Variants in ULK4 observed in about 807,000 individuals in gnomAD.
The protein encoded by ULK4 is inactive serine/threonine-protein kinase ULK4.
ULK4 carries 133 observed loss-of-function variants against 160.6 expected under a neutral mutation model. The observed-to-expected ratio is 0.83, with a 90% CI of 0.72 to 0.96. ULK4 has a LOEUF of 0.96. Ranked by LOEUF, ULK4 falls within the 40% of genes least tolerant of loss-of-function variation. ULK4 has a pLI of 0.00. For missense variants in ULK4, 1,580 were observed against 1,499.5 expected, an observed-to-expected ratio of 1.05 and a Z score of -0.89; for synonymous variants, 534 against 539.8, an observed-to-expected ratio of 0.99 and a Z score of 0.15.
At chr3:41,840,513 T>C (rs945295388) in intron 17 of ULK4, among the ~76,000 whole-genome samples, 3 of 152,252 alleles carry the variant, frequency 2.0e-5, no homozygotes, top group African/African-American at 4.8e-5. Context: ...GTGCCTGCGA[T>C]TGCAGGCGCG....
chr3:41,849,141 G>A (rs1441926360), intron 17 of ULK4, among the ~76,000 whole-genome samples: 2 of 152,208 alleles, frequency 1.3e-5, no homozygotes, highest in Non-Finnish European at 2.9e-5. Context: ...CTGAGATTTT[G>A]ATGGTTTTTG....
At chr3:41,381,949 T>C (rs555088127) in intron 35 of ULK4, among the ~76,000 whole-genome samples, 2 of 152,244 alleles carry the variant, frequency 1.3e-5, no homozygotes, top group South Asian at 4.1e-4. Context: ...TTATAGTCCC[T>C]AGAACATACC....
chr3:41,307,630 C>T (rs1417133228), intron 35 of ULK4, among the ~76,000 whole-genome samples: 1 of 151,996 alleles, frequency 6.6e-6, no homozygotes, highest in Non-Finnish European at 1.5e-5. Context: ...AGTTTGAGAC[C>T]AGCATGAGCA....
chr3:41,680,237 G>A (rs558836851), intron 29 of ULK4, among the ~76,000 whole-genome samples: 1 of 152,258 alleles, frequency 6.6e-6, no homozygotes, highest in Non-Finnish European at 1.5e-5. Flanking sequence ...GGTACCTACT[G>A]ACAGTTTATC....
chr3:41,823,791 C>T (rs113841811), intron 18 of ULK4, among the ~76,000 whole-genome samples: 2,051 of 152,278 alleles, frequency 0.013, 40 homozygotes, highest in African/African-American at 0.046. Flanking sequence ...TTCCAGTTTG[C>T]TATCACGAGA....
intron 29 of ULK4, among the ~76,000 whole-genome samples, chr3:41,666,482 G>C (rs1479180100): frequency 1.3e-5 from 2 of 152,188 alleles, no homozygotes; most frequent in Non-Finnish European, 2.9e-5. Flanking sequence ...GAGAGGCACT[G>C]TCATTAAAGT....
chr3:41,787,644 T>C (rs9866358), intron 21 of ULK4, among the ~76,000 whole-genome samples: 8,667 of 152,278 alleles, frequency 0.057, 435 homozygotes, highest in East Asian at 0.17. Flanking sequence ...GTTCTGGAGA[T>C]CTGTCTCACA....
At position 41,304,329 on chromosome 3, in the gene ULK4, A is replaced by G. The variant is rs141177573; in HGVS notation, c.3679-54755T>C. Reference sequence around the variant, plus strand: ...AAGACTGGAAAATGTGGGGCAACTCAGTATGATATGTAAAACAGTGAACAA... The same window carrying G: ...AAGACTGGAAAATGTGGGGCAACTCGGTATGATATGTAAAACAGTGAACAA... On this transcript the variant is annotated intron_variant, in intron 35 of 36. Coordinates refer to ENST00000301831, the MANE Select transcript of ULK4 (RefSeq NM_017886.4). Among the ~76,000 whole-genome samples, 790 of 151,358 alleles carry G rather than the reference A, an allele frequency of 5.2e-3. 7 individuals carry two copies. Among genetic ancestry groups the G allele is most frequent in the African/African-American group, 0.018 (740 of 40,972 alleles).
intron 35 of ULK4, among the ~76,000 whole-genome samples, chr3:41,295,926 A>G (rs2079659107): frequency 1.3e-5 from 2 of 152,242 alleles, no homozygotes; most frequent in Non-Finnish European, 2.9e-5. Flanking sequence ...GTGAAAACTT[A>G]TGTCCACACA....
At chr3:41,631,625 T>C (rs1404379899) in intron 30 of ULK4, among the ~76,000 whole-genome samples, 3 of 152,212 alleles carry the variant, frequency 2.0e-5, no homozygotes, top group South Asian at 4.1e-4. Context: ...ATTAATAACT[T>C]TGTAAAATGC....
At chr3:41,841,011 C>G (rs1472931756) in intron 17 of ULK4, among the ~76,000 whole-genome samples, 1 of 150,892 alleles carries the variant, frequency 6.6e-6, no homozygotes, top group African/African-American at 2.4e-5. Context: ...GTGAGGAGCG[C>G]CTCTGCCCGG....
intron 30 of ULK4, among the ~76,000 whole-genome samples, chr3:41,648,951 A>C (rs927146886): frequency 1.3e-5 from 2 of 152,110 alleles, no homozygotes; most frequent in South Asian, 4.2e-4. Context: ...AACATGGTGA[A>C]ACCCCACATC....
rs769177113 is a variant in ULK4, at chr3:41,937,337, T to C, written c.238+761A>G. On this transcript the variant is annotated intron_variant, in intron 3 of 36. Transcript: ENST00000301831. ...CCATGGAAGTAATCAACCATAATCC[T>C]GTCCTATTGATTCAGAAAAATAAAA... 79 of 692,952 alleles carry C rather than the reference T, an allele frequency of 1.1e-4. No individual in the cohort carries two copies. In the East Asian group the frequency reaches 2.0e-3, roughly 18 times the overall value. The allele number at this position is 692,952 out of a possible 1,614,324, so 42.9% of individuals were successfully genotyped here.
chr3:41,558,480 G>A (rs2087395080), intron 32 of ULK4, among the ~76,000 whole-genome samples: 1 of 152,100 alleles, frequency 6.6e-6, no homozygotes, highest in Admixed American at 6.5e-5. Context: ...CAAGGTGGCA[G>A]ATCACCTGAG....
chr3:41,306,129 G>A (rs1413320025), intron 35 of ULK4, among the ~76,000 whole-genome samples: 2 of 33,770 alleles, frequency 5.9e-5, no homozygotes, highest in South Asian at 1.1e-3. Context: ...GGAGGGAGGT[G>A]GGGGGGGGGG....
At chr3:41,255,697 C>A (rs1158028027) in intron 35 of ULK4, among the ~76,000 whole-genome samples, 2 of 141,400 alleles carry the variant, frequency 1.4e-5, no homozygotes, top group Non-Finnish European at 3.2e-5. Flanking sequence ...TTTGTGTGCT[C>A]CTGATCACAG....
rs1426046465 is a variant in ULK4 at position 41,907,834 on chromosome 3, A to C, written c.1182+11T>G. On this transcript the variant is annotated intron_variant, in intron 12 of 36. Coordinates refer to ENST00000301831, the MANE Select transcript of ULK4 (RefSeq NM_017886.4). The stretch of plus-strand genomic sequence containing the variant: ...TCTTATGTAGGAAGAAAATTTCCCA[A>C]GTCTGCTCACCTTGGTCAGAGGAGA... The C allele has an allele frequency of 6.5e-7, 1 of 1,542,040 alleles. No homozygotes were observed. Among genetic ancestry groups the C allele is most frequent in the Non-Finnish European group, 8.7e-7 (1 of 1,146,090 alleles).
At chr3:41,615,173 T>C (rs2032901858) in intron 31 of ULK4, among the ~76,000 whole-genome samples, 1 of 152,146 alleles carries the variant, frequency 6.6e-6, no homozygotes, top group Non-Finnish European at 1.5e-5. Context: ...GGTTTTAAAT[T>C]AAATTGTATT....
In ULK4 at chr3:41,907,871, G is replaced by A. The variant is rs1217451642; in HGVS notation, c.1156C>T (p.Pro386Ser). Residue 386 changes from proline (P) to serine (S), a missense_variant, in exon 12 of 37, where the codon CCA becomes TCA. By Grantham distance (74) the Pro-to-Ser change is moderately conservative (BLOSUM62 -1). Transcript: ENST00000301831. ...SPGEDMTHCSPQKTSPLTKIT... is the reference protein window; with the variant it reads ...SPGEDMTHCSSQKTSPLTKIT... ...TTGGTCAGAGGAGAAGTCTTCTGTGGTGAACAGTGAGTCATATCCTCACCA... is the reference window on the plus strand; with the variant it reads ...TTGGTCAGAGGAGAAGTCTTCTGTGATGAACAGTGAGTCATATCCTCACCA... 1 of 1,600,234 alleles carries A rather than the reference G, an allele frequency of 6.2e-7. No homozygotes were observed. The highest frequency in any genetic ancestry group is 8.5e-7 in the Non-Finnish European group (1 of 1,174,152).
Sources: gnomAD v4.1 joint callset for allele counts (sites outside exome capture counted in the v4.1 genomes callset) on GRCh38, gnomAD v4.1.1 for gene constraint, MANE v1.5 for transcripts, NCBI Gene and HGNC (gene_info 2026-07-23, HGNC 2026-07-21) for gene names.